The following CIAO2A variants were observed in gnomAD, a reference collection of about 807,000 sequenced individuals.
CIAO2A encodes the protein cytosolic iron-sulfur assembly component 2A.
CIAO2A carries 17 observed loss-of-function variants against 22.4 expected under a neutral mutation model. The ratio of observed to expected loss-of-function variants is 0.76; its 90% CI spans 0.52 to 1.14. The LOEUF (loss-of-function observed/expected upper bound fraction) is 1.14, where lower values mean the gene tolerates loss of function less well. Ranked by LOEUF, CIAO2A falls within the 50% of genes most tolerant of loss-of-function variation. CIAO2A has a pLI of 0.00. For synonymous variants in CIAO2A, 74 were observed against 72.3 expected (o/e 1.02, Z -0.12); for missense variants, 192 against 191.4 (o/e 1.00, Z -0.02).
At chr15:64,090,998 T>C (rs2080835940) in intron 1 of CIAO2A, among the ~76,000 whole-genome samples, 1 of 151,972 alleles carries the variant, frequency 6.6e-6, no homozygotes. Context: ...AGGAGAACAA[T>C]AAAGAGAAAT....
rs1278664348 is a variant in CIAO2A at position 64,075,516 on chromosome 15, C to T, written c.361G>A (p.Gly121Arg). Reference protein sequence around the residue: ...KHKLEIYISEGTHSTEEDINK... With the variant: ...KHKLEIYISERTHSTEEDINK... ...CTGTCTTCTTCTGTTGAGTGGGTTC[C>T]TTCAGAAATGTAGATTTCCAACTGG... The change falls in exon 4 of 5, where the codon GGA becomes AGA. Residue 121 changes from glycine (G) to arginine (R), a missense_variant. Coordinates refer to ENST00000300030, the MANE Select transcript of CIAO2A (RefSeq NM_032231.7). 3 of 1,584,888 alleles carry T rather than the reference C, an allele frequency of 1.9e-6. No individual in the cohort carries two copies. Among genetic ancestry groups the T allele is most frequent in the Non-Finnish European group, 2.6e-6 (3 of 1,165,336 alleles).
chr15:64,075,541 G>T lies in CIAO2A; in HGVS notation c.340-4C>A. The T allele has an allele frequency of 6.4e-7, 1 of 1,567,260 alleles. No individual in the cohort carries two copies. ...CTTCAGAAATGTAGATTTCCAACTG[G>T]AAAGTGGGAAAAAAAGTAAAAGAAA... is the stretch of plus-strand genomic sequence containing the variant. On this transcript the variant is annotated splice_region_variant and splice_polypyrimidine_tract_variant and intron_variant, in intron 3 of 4. Coordinates refer to ENST00000300030, the MANE Select transcript of CIAO2A (RefSeq NM_032231.7).
chr15:64,079,144 A>T (rs1461342729), intron 3 of CIAO2A, among the ~76,000 whole-genome samples: 1 of 152,122 alleles, frequency 6.6e-6, no homozygotes, highest in Non-Finnish European at 1.5e-5. Context: ...AAAAAATAAA[A>T]AAAAAAATTT....
At chr15:64,086,263 T>A (rs2080793697) in intron 2 of CIAO2A, among the ~76,000 whole-genome samples, 1 of 151,030 alleles carries the variant, frequency 6.6e-6, no homozygotes, top group South Asian at 2.1e-4. Flanking sequence ...ACAAAAAAAA[T>A]TAGCCAGGCA....
intron 4 of CIAO2A, among the ~76,000 whole-genome samples, chr15:64,073,981 A>T (rs2080695520): frequency 6.6e-6 from 1 of 152,186 alleles, no homozygotes; most frequent in African/African-American, 2.4e-5. Flanking sequence ...GCTCAATATT[A>T]TTGTCATAAT....
intron 4 of CIAO2A, chr15:64,073,829 CT>C (rs1226368195): frequency 1.3e-5 from 2 of 152,330 alleles, no homozygotes; most frequent in Non-Finnish European, 2.9e-5. Context: ...CCTCAAACTC[CT>C]TCCCTCAAGG....
intron 4 of CIAO2A, chr15:64,074,924 T>C (rs1210024203): frequency 6.6e-6 from 1 of 152,218 alleles, no homozygotes; most frequent in African/African-American, 2.4e-5. Flanking sequence ...CATTTGTAGA[T>C]TAAAAACATT....
intron 4 of CIAO2A, 140 bp downstream of exon 4, chr15:64,075,352 C>T (rs893876876): frequency 3.7e-5 from 21 of 569,842 alleles, no homozygotes; most frequent in South Asian, 7.4e-5. Flanking sequence ...GGTTTCCTCA[C>T]CTAGGAAGGA....
chr15:64,078,649 A>G (rs988789733), intron 3 of CIAO2A, among the ~76,000 whole-genome samples: 1 of 151,594 alleles, frequency 6.6e-6, no homozygotes, highest in Non-Finnish European at 1.5e-5. Flanking sequence ...CAAAAAAAAA[A>G]AAAAAAGAAA....
chr15:64,087,336 C>G (rs1432125004), intron 2 of CIAO2A, among the ~76,000 whole-genome samples: 3 of 152,022 alleles, frequency 2.0e-5, no homozygotes, highest in African/African-American at 7.2e-5. Context: ...CGTGATCTGC[C>G]CGCCTCGGCC....
chr15:64,092,917 G>C (rs2080853041), intron 1 of CIAO2A, among the ~76,000 whole-genome samples: 1 of 152,234 alleles, frequency 6.6e-6, no homozygotes, highest in Non-Finnish European at 1.5e-5. Context: ...ATTACGGTTA[G>C]AACCAGTAGG....
intron 2 of CIAO2A, among the ~76,000 whole-genome samples, chr15:64,082,314 T>C (rs879679171): frequency 5.3e-5 from 8 of 152,146 alleles, no homozygotes; most frequent in Non-Finnish European, 1.0e-4. Context: ...CTGCAACCTC[T>C]ACCTCCTGGG....
Position 64,081,024 on chromosome 15 carries a change from G to A in CIAO2A, c.339+78C>T, listed in dbSNP as rs2080755485. 5.1e-6 allele frequency: 7 copies of A among 1,368,816 alleles called. No individual in the cohort carries two copies. The Admixed American group carries it at 9.1e-5, about 18-fold the overall frequency. 84.8% of individuals were successfully genotyped at this position (1,368,816 alleles called of 1,614,324 possible). A position where few individuals can be genotyped will look rare whatever the true frequency, so the allele number is the denominator to read the frequency against. ...CTGAATTGGTACACTTTAAATACGT[G>A]AATTGTGTGGTATGTGAATTATATC... On this transcript the variant is annotated intron_variant, in intron 3 of 4. Transcript: ENST00000300030.
At chr15:64,078,635 C>CAA (rs1491101619) in intron 3 of CIAO2A, among the ~76,000 whole-genome samples, 1 of 20,358 alleles carries the variant, frequency 4.9e-5, no homozygotes, top group African/African-American at 9.1e-5. Context: ...GATTCCATCG[C>CAA]AAACAAAAAA....
chr15:64,077,608 C>G (rs1253826082), intron 3 of CIAO2A, among the ~76,000 whole-genome samples: 1 of 152,144 alleles, frequency 6.6e-6, no homozygotes, highest in Admixed American at 6.5e-5. Context: ...GCCAAAAATG[C>G]ACAAACTGAA....
chr15:64,074,745 C>T (rs1255084210), intron 4 of CIAO2A: 1 of 152,148 alleles, frequency 6.6e-6, no homozygotes, highest in Non-Finnish European at 1.5e-5. Flanking sequence ...CTCTCCAGCC[C>T]TGTGTATGCC....
chr15:64,076,034 T>G (rs2080715127), intron 3 of CIAO2A, among the ~76,000 whole-genome samples: 2 of 151,786 alleles, frequency 1.3e-5, no homozygotes, highest in African/African-American at 4.8e-5. Context: ...AAAAAAGGAC[T>G]GAAATGAGTA....
intron 1 of CIAO2A, among the ~76,000 whole-genome samples, chr15:64,093,321 C>G (rs1398925464): frequency 6.6e-6 from 1 of 152,144 alleles, no homozygotes; most frequent in Non-Finnish European, 1.5e-5. Flanking sequence ...GCACCCTAGA[C>G]TTGTGGTCTC....
chr15:64,083,402 G>A (rs2080770832), intron 2 of CIAO2A, among the ~76,000 whole-genome samples: 1 of 152,038 alleles, frequency 6.6e-6, no homozygotes, highest in Non-Finnish European at 1.5e-5. Flanking sequence ...TCTGGAATAA[G>A]TCACCACAAA....
Sources: allele counts gnomAD v4.1 joint callset (sites outside exome capture counted in the v4.1 genomes callset), GRCh38; gene constraint gnomAD v4.1.1; transcripts MANE v1.5; gene names NCBI Gene and HGNC (gene_info 2026-07-23, HGNC 2026-07-21).